DPYD: variants seen among roughly 807,000 people sequenced by gnomAD.
DPYD encodes the protein dihydropyrimidine dehydrogenase.
In DPYD, 109 loss-of-function variants were observed where a neutral mutation model predicts 116.2. That is an observed-to-expected ratio of 0.94 (90% CI 0.80 to 1.10). DPYD has a LOEUF of 1.10. DPYD is among the 50% of genes least tolerant of loss of function. The pLI, the probability that DPYD is intolerant of heterozygous loss-of-function variation, is 0.00. For missense variants in DPYD, 1,302 were observed against 1,254.5 expected (o/e 1.04, Z -0.57); for synonymous variants, 440 against 432.0 (o/e 1.02, Z -0.23).
At chr1:97,200,373 C>G (rs534891542) in intron 19 of DPYD, among the ~76,000 whole-genome samples, 1 of 152,224 alleles carries the variant, frequency 6.6e-6, no homozygotes, top group Non-Finnish European at 1.5e-5. Flanking sequence ...TGGAGAATTA[C>G]TACATTTAAG....
At chr1:97,423,107 G>A (rs1023814735) in intron 14 of DPYD, among the ~76,000 whole-genome samples, 13 of 151,968 alleles carry the variant, frequency 8.6e-5, no homozygotes, top group African/African-American at 2.7e-4. Context: ...GGAGTGAAAT[G>A]CTGTCATGGA....
rs1284271720 is a variant in DPYD at position 97,573,784 on chromosome 1, C to T, written c.1315G>A (p.Gly439Ser). Residue 439 changes from glycine to serine, a missense_variant, in exon 11 of 23, where the codon GGT becomes AGT. Transcript: ENST00000370192. ...LKADVVISAF[G>S]SVLSDPKVKE... is the part of the protein sequence containing the mutation. ...CCTTTAGGATCACTCAGAACTGAAC[C>T]AAAGGCACTGATGACCACATCGGCT... 6.2e-7 allele frequency: 1 copy of T among 1,613,536 alleles called. No individual in the cohort carries two copies. Among genetic ancestry groups the T allele is most frequent in the Admixed American group, 1.7e-5 (1 of 59,980 alleles).
rs561442908 is a variant in DPYD, at chr1:97,530,343, G to A, written c.1525-14402C>T. On this transcript the variant is annotated intron_variant, in intron 12 of 22. Transcript: ENST00000370192. ...CGCCATTCTCCTGCCTCAACCTCCC[G>A]AGCAGCTGGGACTACAGGCGCCCAC... 4.0e-5 allele frequency among the ~76,000 whole-genome samples: 6 copies of A among 148,458 alleles called. No homozygotes were observed. In the South Asian group the frequency reaches 8.7e-4, roughly 22 times the overall value.
At chr1:97,400,934 A>T (rs1276505737) in intron 14 of DPYD, among the ~76,000 whole-genome samples, 1 of 152,100 alleles carries the variant, frequency 6.6e-6, no homozygotes, top group East Asian at 1.9e-4. Context: ...TCCCACCAGC[A>T]ACGAATGAGA....
intron 21 of DPYD, among the ~76,000 whole-genome samples, chr1:97,093,188 A>G (rs536951474): frequency 6.6e-6 from 1 of 152,240 alleles, no homozygotes; most frequent in African/African-American, 2.4e-5. Flanking sequence ...TGATTCCTTA[A>G]TATCTGTCTC....
chr1:97,597,533 G>A (rs1463966714), intron 8 of DPYD, among the ~76,000 whole-genome samples: 3 of 152,132 alleles, frequency 2.0e-5, no homozygotes, highest in African/African-American at 4.8e-5. Flanking sequence ...TATAACACCC[G>A]TTAGTCAATC....
At chr1:97,772,155 G>C (rs1356589819) in intron 3 of DPYD, among the ~76,000 whole-genome samples, 1 of 151,586 alleles carries the variant, frequency 6.6e-6, no homozygotes, top group Non-Finnish European at 1.5e-5. Flanking sequence ...TTCTCATCAG[G>C]GAATACAAGG....
chr1:97,454,734 C>CGGACTGATTAT (rs1676593348), intron 13 of DPYD, among the ~76,000 whole-genome samples: 1 of 151,778 alleles, frequency 6.6e-6, no homozygotes, highest in East Asian at 1.9e-4. Context: ...TGTTTAGGTT[C>CGGACTGATTAT]ATTTACTTGA....
At chr1:97,738,806 G>C (rs1664102338) in intron 4 of DPYD, among the ~76,000 whole-genome samples, 1 of 151,598 alleles carries the variant, frequency 6.6e-6, no homozygotes, top group African/African-American at 2.4e-5. Flanking sequence ...CGTTCCATTA[G>C]GTAAAGAATA....
intron 13 of DPYD, among the ~76,000 whole-genome samples, chr1:97,455,230 T>C (rs1422912055): frequency 6.6e-6 from 1 of 151,906 alleles, no homozygotes; most frequent in African/African-American, 2.4e-5. Flanking sequence ...TGCAGAAATG[T>C]GGCAGAATGA....
intron 2 of DPYD, among the ~76,000 whole-genome samples, chr1:97,872,660 T>C (rs1311895344): frequency 6.6e-6 from 1 of 151,956 alleles, no homozygotes; most frequent in African/African-American, 2.4e-5. Context: ...TACTAATATA[T>C]ATCAAAACTC....
intron 4 of DPYD, among the ~76,000 whole-genome samples, chr1:97,724,896 G>T (rs1243449868): frequency 6.7e-6 from 1 of 148,184 alleles, no homozygotes; most frequent in African/African-American, 2.5e-5. Context: ...GACAGAGTGG[G>T]GAGGGATAGA....
At chr1:97,302,258 G>A (rs981453851) in intron 18 of DPYD, among the ~76,000 whole-genome samples, 1 of 151,962 alleles carries the variant, frequency 6.6e-6, no homozygotes, top group Non-Finnish European at 1.5e-5. Context: ...TTATATGGTG[G>A]AGAGCTGAAT....
intron 5 of DPYD, among the ~76,000 whole-genome samples, chr1:97,708,761 T>C (rs1662124191): frequency 6.6e-6 from 1 of 152,030 alleles, no homozygotes; most frequent in Admixed American, 6.6e-5. Flanking sequence ...AAGTCTTCTA[T>C]TTGGAAACCC....
intron 14 of DPYD, among the ~76,000 whole-genome samples, chr1:97,432,676 T>C (rs7517433): frequency 0.79 from 120,066 of 151,856 alleles, 47,927 homozygotes; most frequent in East Asian, 0.88. Context: ...GAGTGCCAGA[T>C]GGTTTCTGTA....
At chr1:97,767,493 CTGTT>C (rs1269572423) in intron 3 of DPYD, among the ~76,000 whole-genome samples, 5 of 10,750 alleles carry the variant, frequency 4.7e-4, no homozygotes, top group Non-Finnish European at 1.4e-3. Flanking sequence ...TCTGCATGTT[CTGTT>C]TCCTCTCTGG....
intron 8 of DPYD, among the ~76,000 whole-genome samples, chr1:97,643,585 G>A (rs1336837258): frequency 1.3e-5 from 2 of 152,094 alleles, no homozygotes; most frequent in Non-Finnish European, 2.9e-5. Context: ...CCATTACTGG[G>A]TATATACCCA....
chr1:97,912,582 G>A (rs1214660528), intron 1 of DPYD, among the ~76,000 whole-genome samples: 1 of 151,996 alleles, frequency 6.6e-6, no homozygotes, highest in Non-Finnish European at 1.5e-5. Flanking sequence ...ATGTATCTTT[G>A]GGGTCATCTT....
At chr1:97,324,868 C>T (rs928015764) in intron 16 of DPYD, among the ~76,000 whole-genome samples, 3 of 151,970 alleles carry the variant, frequency 2.0e-5, no homozygotes, top group Non-Finnish European at 4.4e-5. Flanking sequence ...AGACAGAGAA[C>T]AGTAATATAG....
Sources: gnomAD v4.1 joint callset for allele counts (sites outside exome capture counted in the v4.1 genomes callset) on GRCh38, gnomAD v4.1.1 for gene constraint, MANE v1.5 for transcripts, NCBI Gene and HGNC (gene_info 2026-07-23, HGNC 2026-07-21) for gene names.